LUC7L2: variants seen among roughly 807,000 people sequenced by gnomAD.
The protein encoded by LUC7L2 is putative RNA-binding protein Luc7-like 2.
Under a neutral mutation model 52.8 loss-of-function variants are expected in LUC7L2, and 25 were observed. The observed-to-expected ratio is 0.47, with a 90% confidence interval of 0.34 to 0.66. The LOEUF is 0.66. Among genes scored for constraint, LUC7L2 ranks in the 30% least tolerant of loss-of-function variants. The pLI, the probability that LUC7L2 is intolerant of heterozygous loss-of-function variation, is 0.01. For missense variants in LUC7L2, 328 were observed against 497.8 expected, an observed-to-expected ratio of 0.66 and a Z score of 3.25; for synonymous variants, 144 against 160.9, an observed-to-expected ratio of 0.89 and a Z score of 0.80.
At chr7:139,360,919 T>C (rs1045498916) in intron 1 of LUC7L2, among the ~76,000 whole-genome samples, 7 of 152,214 alleles carry the variant, frequency 4.6e-5, no homozygotes, top group Non-Finnish European at 8.8e-5. Context: ...AGAAGGAACA[T>C]GTTATGGCCT....
rs190608591 is a variant in LUC7L2, at chr7:139,389,259, A to G, written c.157-9340A>G. Among the ~76,000 whole-genome samples, 237 of 152,174 alleles carry G rather than the reference A, an allele frequency of 1.6e-3. 1 individual carries two copies. The highest frequency in any genetic ancestry group is 5.3e-3 in the African/African-American group (221 of 41,522). On this transcript the variant is annotated intron_variant, in intron 2 of 9. Coordinates refer to ENST00000354926, the MANE Select transcript of LUC7L2 (RefSeq NM_016019.5). ...TGTCGTATTTCTGCCTGAGTAGTCAAGCATTCTTCTTTGCCTACAGAATAA... is the reference window on the plus strand; with the variant it reads ...TGTCGTATTTCTGCCTGAGTAGTCAGGCATTCTTCTTTGCCTACAGAATAA...
At chr7:139,408,330 T>C (rs1795207572) in intron 6 of LUC7L2, among the ~76,000 whole-genome samples, 1 of 152,184 alleles carries the variant, frequency 6.6e-6, no homozygotes, top group Admixed American at 6.5e-5. Context: ...TCTTTGCAGA[T>C]AGACCTAGCA....
chr7:139,413,844 A>G (rs1375277191), intron 8 of LUC7L2, among the ~76,000 whole-genome samples: 1 of 152,202 alleles, frequency 6.6e-6, no homozygotes, highest in Non-Finnish European at 1.5e-5. Context: ...TGCCTAAAAC[A>G]CTAAAAAAAC....
At chr7:139,388,146 T>A (rs915520617) in intron 2 of LUC7L2, among the ~76,000 whole-genome samples, 1 of 152,096 alleles carries the variant, frequency 6.6e-6, no homozygotes, top group Non-Finnish European at 1.5e-5. Flanking sequence ...TGAAAAAAAA[T>A]TTATCTCATT....
chr7:139,410,437 T>C (rs575213856), intron 7 of LUC7L2, among the ~76,000 whole-genome samples: 101 of 152,306 alleles, frequency 6.6e-4, no homozygotes, highest in Non-Finnish European at 1.2e-3. Context: ...AATATCTAAA[T>C]GTATATAATT....
chr7:139,388,478 T>C (rs1456597791), intron 2 of LUC7L2, among the ~76,000 whole-genome samples: 1 of 152,016 alleles, frequency 6.6e-6, no homozygotes, highest in African/African-American at 2.4e-5. Context: ...CCTATACTCA[T>C]GTCTAAGGTA....
chr7:139,375,507 A>C (rs1800664401), intron 1 of LUC7L2: 1 of 985,604 alleles, frequency 1.0e-6, no homozygotes. Context: ...TCCTCCCAGC[A>C]GCAAAAGGGA....
In LUC7L2 at chr7:139,371,818, A is replaced by G. The variant is rs184662423; in HGVS notation, c.62-4244A>G. Among the ~76,000 whole-genome samples the G allele has an allele frequency of 2.8e-4, 42 of 152,286 alleles. No homozygotes were observed. The East Asian group carries it at 3.9e-3, about 14-fold the overall frequency. Reference sequence around the variant, plus strand: ...GGCCTCTTTTTAAAGTGACCTGTCTATATTCCCTGGTGGAACTGACTGCCT... The same window carrying G: ...GGCCTCTTTTTAAAGTGACCTGTCTGTATTCCCTGGTGGAACTGACTGCCT... On this transcript the variant is annotated intron_variant, in intron 1 of 9. Transcript: ENST00000354926.
At chr7:139,354,794 C>G (rs936508150) in intron 1 of LUC7L2, among the ~76,000 whole-genome samples, 2 of 151,822 alleles carry the variant, frequency 1.3e-5, no homozygotes, top group Non-Finnish European at 2.9e-5. Flanking sequence ...CCACTTTAAG[C>G]TAGGACCCTG....
intron 6 of LUC7L2, 89 bp downstream of exon 6, chr7:139,407,439 C>T: frequency 1.4e-6 from 2 of 1,417,760 alleles, no homozygotes; most frequent in Non-Finnish European, 1.9e-6. Context: ...GACTATGATT[C>T]AGTAATATAG....
intron 1 of LUC7L2, among the ~76,000 whole-genome samples, chr7:139,343,962 G>A (rs896337915): frequency 1.3e-5 from 2 of 150,734 alleles, no homozygotes; most frequent in East Asian, 3.9e-4. Flanking sequence ...GGTGGGGGGC[G>A]TATTATGTAG....
chr7:139,418,150 A>G (rs768615937), intron 9 of LUC7L2, among the ~76,000 whole-genome samples: 23 of 152,218 alleles, frequency 1.5e-4, no homozygotes, highest in Admixed American at 2.6e-4. Context: ...TTCAGAGCAG[A>G]CACATTCTAG....
chr7:139,401,663 G>C (rs1794921916), intron 3 of LUC7L2, among the ~76,000 whole-genome samples: 1 of 151,880 alleles, frequency 6.6e-6, no homozygotes, highest in Non-Finnish European at 1.5e-5. Context: ...ATGTTGGCCA[G>C]CGTAGTCTCA....
Position 139,359,953 on chromosome 7 carries a change from C to T in LUC7L2, c.-309C>T, listed in dbSNP as rs1057376291. The T allele has an allele frequency of 2.3e-6, 1 of 426,560 alleles. No homozygotes were observed. Among genetic ancestry groups the T allele is most frequent in the Admixed American group, 4.4e-5 (1 of 22,844 alleles). 26.4% of individuals were successfully genotyped at this position (426,560 alleles called of 1,614,324 possible). A position where few individuals can be genotyped will look rare whatever the true frequency, so the allele number is the denominator to read the frequency against. Reference sequence around the variant, plus strand: ...TCAGAGCTTGAGGGGGGGTTGACGGCTTCTGGCGGGTGGCGGTGTTGAAGG... The same window carrying T: ...TCAGAGCTTGAGGGGGGGTTGACGGTTTCTGGCGGGTGGCGGTGTTGAAGG... On this transcript the variant is annotated 5_prime_UTR_variant, in exon 1 of 10. Transcript: ENST00000354926.
intron 1 of LUC7L2, among the ~76,000 whole-genome samples, chr7:139,344,522 G>C (rs1425672919): frequency 6.6e-6 from 1 of 151,812 alleles, no homozygotes; most frequent in Non-Finnish European, 1.5e-5. Context: ...TTTTTTCTGA[G>C]TATTTTTTAT....
At chr7:139,373,761 T>C (rs1390026191) in intron 1 of LUC7L2, among the ~76,000 whole-genome samples, 4 of 152,216 alleles carry the variant, frequency 2.6e-5, no homozygotes. Flanking sequence ...TGATGAAATG[T>C]TTGATTAGTA....
chr7:139,392,810 G>A (rs986127656), intron 2 of LUC7L2, among the ~76,000 whole-genome samples: 20 of 151,540 alleles, frequency 1.3e-4, no homozygotes, highest in Admixed American at 9.2e-4. Flanking sequence ...GCACCACCAC[G>A]CCCGGCTAAT....
At chr7:139,370,080 A>C (rs936775994) in intron 1 of LUC7L2, among the ~76,000 whole-genome samples, 1 of 152,222 alleles carries the variant, frequency 6.6e-6, no homozygotes, top group Non-Finnish European at 1.5e-5. Context: ...AAAGTTTTAC[A>C]TAGATCAAGA....
chr7:139,409,511 T>C, intron 6 of LUC7L2, 52 bp from the exon 7 acceptor site: 1 of 1,550,818 alleles, frequency 6.4e-7, no homozygotes, highest in East Asian at 2.4e-5. Flanking sequence ...AGGATAAAGC[T>C]GTTTAAGAAT....
Sources: allele counts gnomAD v4.1 joint callset (sites outside exome capture counted in the v4.1 genomes callset), GRCh38; gene constraint gnomAD v4.1.1; transcripts MANE v1.5; gene names NCBI Gene and HGNC (gene_info 2026-07-23, HGNC 2026-07-21).